The following CEP128 variants were observed in gnomAD, a reference collection of about 807,000 sequenced individuals.
The protein encoded by CEP128 is centrosomal protein 128.
Under a neutral mutation model 156.7 loss-of-function variants are expected in CEP128, and 132 were observed. The observed-to-expected ratio is 0.84, with a 90% confidence interval of 0.73 to 0.97. The LOEUF is 0.97. CEP128 is among the 50% of genes least tolerant of loss of function. The pLI is 0.00. For synonymous variants in CEP128, 469 were observed against 448.9 expected, an observed-to-expected ratio of 1.04 and a Z score of -0.57; for missense variants, 1,252 against 1,281.9, an observed-to-expected ratio of 0.98 and a Z score of 0.36.
intron 19 of CEP128, among the ~76,000 whole-genome samples, chr14:80,588,973 TA>T (rs1295858211): frequency 6.6e-6 from 1 of 152,032 alleles, no homozygotes; most frequent in Non-Finnish European, 1.5e-5. Flanking sequence ...GAAAATGGGA[TA>T]AGAAAGAAAG....
intron 9 of CEP128, among the ~76,000 whole-genome samples, chr14:80,858,690 AAAT>A (rs1427591376): frequency 1.1e-4 from 16 of 151,422 alleles, no homozygotes; most frequent in Non-Finnish European, 1.5e-5. Flanking sequence ...GCACTCAAAC[AAAT>A]TTACAAGAAA....
chr14:80,670,087 A>C (rs1479671646), intron 19 of CEP128, among the ~76,000 whole-genome samples: 1 of 152,154 alleles, frequency 6.6e-6, no homozygotes, highest in African/African-American at 2.4e-5. Flanking sequence ...CTCACTGACT[A>C]TCATGAGGAT....
At position 80,637,660 on chromosome 14, in the gene CEP128, T is replaced by TA. The variant is rs1387400287; in HGVS notation, c.2807-57238dup. On this transcript the variant is annotated intron_variant, in intron 19 of 24. Coordinates refer to ENST00000555265, the MANE Select transcript of CEP128 (RefSeq NM_152446.5). ...CTTTATAAAAACTGAATGGTGCCCC[T>TA]AAAAAGAGACCAGGTCTTAAACCGT... Among the ~76,000 whole-genome samples, 5 of 152,264 alleles carry TA rather than the reference T, an allele frequency of 3.3e-5. No individual in the cohort carries two copies. The East Asian group carries it at 9.6e-4, about 29-fold the overall frequency.
chr14:80,730,927 A>G (rs964088163), intron 19 of CEP128, among the ~76,000 whole-genome samples: 5 of 152,212 alleles, frequency 3.3e-5, no homozygotes, highest in Non-Finnish European at 7.3e-5. Context: ...TATTCAAAAA[A>G]TTATAGGTTA....
At chr14:80,566,915 AAC>A (rs1241840463) in intron 20 of CEP128, among the ~76,000 whole-genome samples, 1 of 151,784 alleles carries the variant, frequency 6.6e-6, no homozygotes, top group African/African-American at 2.4e-5. Flanking sequence ...AAAAAAAAAA[AAC>A]CAACATTTTG....
At chr14:80,619,197 T>C (rs554035377) in intron 19 of CEP128, among the ~76,000 whole-genome samples, 20 of 152,256 alleles carry the variant, frequency 1.3e-4, no homozygotes, top group South Asian at 1.0e-3. Flanking sequence ...ACCCAAATTA[T>C]GTGAAATCCC....
At chr14:80,678,771 A>C (rs888458365) in intron 19 of CEP128, among the ~76,000 whole-genome samples, 1 of 152,292 alleles carries the variant, frequency 6.6e-6, no homozygotes, top group African/African-American at 2.4e-5. Context: ...CACCTGGAAA[A>C]GCTGCAGGCA....
At chr14:80,503,720 G>C (rs1887842484) in intron 24 of CEP128, among the ~76,000 whole-genome samples, 2 of 152,128 alleles carry the variant, frequency 1.3e-5, no homozygotes, top group African/African-American at 4.8e-5. Context: ...TTTGGCCTAT[G>C]TGTATATCAA....
intron 9 of CEP128, among the ~76,000 whole-genome samples, chr14:80,861,116 T>G (rs950625125): frequency 3.3e-5 from 5 of 152,014 alleles, no homozygotes; most frequent in African/African-American, 1.2e-4. Flanking sequence ...TACAGTAGGA[T>G]TCTATAAATG....
At chr14:80,815,011 T>C (rs929630233) in intron 13 of CEP128, among the ~76,000 whole-genome samples, 7 of 152,312 alleles carry the variant, frequency 4.6e-5, no homozygotes, top group East Asian at 3.9e-4. Flanking sequence ...TGAGCCGAGA[T>C]TGTGCCACTG....
At chr14:80,518,374 C>T (rs1888589983) in intron 23 of CEP128, among the ~76,000 whole-genome samples, 1 of 151,856 alleles carries the variant, frequency 6.6e-6, no homozygotes, top group African/African-American at 2.4e-5. Context: ...CCCTGTCTCT[C>T]ATTATGACTC....
At chr14:80,627,740 CTTTT>C (rs11287309) in intron 19 of CEP128, among the ~76,000 whole-genome samples, 10 of 129,534 alleles carry the variant, frequency 7.7e-5, no homozygotes, top group Non-Finnish European at 1.2e-4. Flanking sequence ...TTATTATTTT[CTTTT>C]TTTTTTTTTT....
intron 20 of CEP128, among the ~76,000 whole-genome samples, chr14:80,574,879 A>T (rs1171574591): frequency 6.6e-6 from 1 of 152,030 alleles, no homozygotes; most frequent in African/African-American, 2.4e-5. Flanking sequence ...CAGTACTAAA[A>T]AGAAAATCGA....
At chr14:80,805,557 T>C (rs1181376391) in intron 13 of CEP128, among the ~76,000 whole-genome samples, 4 of 152,176 alleles carry the variant, frequency 2.6e-5, no homozygotes, top group Non-Finnish European at 4.4e-5. Context: ...ACTAAAGAAT[T>C]AACAAATTTA....
At chr14:80,684,567 A>T (rs1896451510) in intron 19 of CEP128, among the ~76,000 whole-genome samples, 1 of 151,996 alleles carries the variant, frequency 6.6e-6, no homozygotes, top group Non-Finnish European at 1.5e-5. Flanking sequence ...AAAATCAAGG[A>T]GGAGTAACTC....
At chr14:80,787,027 G>A (rs1183983404) in intron 14 of CEP128, among the ~76,000 whole-genome samples, 1 of 152,168 alleles carries the variant, frequency 6.6e-6, no homozygotes, top group Non-Finnish European at 1.5e-5. Context: ...TAAGGTAGGA[G>A]AAATATAGAT....
intron 13 of CEP128, among the ~76,000 whole-genome samples, chr14:80,807,894 C>T (rs1884274504): frequency 6.6e-6 from 1 of 152,204 alleles, no homozygotes; most frequent in Admixed American, 6.5e-5. Context: ...CAGAAGGCTA[C>T]AGCAGCACAG....
intron 20 of CEP128, among the ~76,000 whole-genome samples, chr14:80,560,927 C>G (rs1211078340): frequency 1.3e-5 from 2 of 152,100 alleles, no homozygotes; most frequent in Admixed American, 1.3e-4. Context: ...TTCTGTCCCT[C>G]TAAGAGAACC....
At chr14:80,672,101 A>G (rs1033470763) in intron 19 of CEP128, among the ~76,000 whole-genome samples, 2 of 152,122 alleles carry the variant, frequency 1.3e-5, no homozygotes, top group African/African-American at 4.8e-5. Flanking sequence ...TTCTAGGCCT[A>G]TTTTTCTTGC....
Sources: allele counts gnomAD v4.1 joint callset (sites outside exome capture counted in the v4.1 genomes callset), GRCh38; gene constraint gnomAD v4.1.1; transcripts MANE v1.5; gene names NCBI Gene and HGNC (gene_info 2026-07-23, HGNC 2026-07-21).